Variants in PLG observed in about 807,000 individuals in gnomAD.
PLG encodes plasminogen, also known as plasmin.
In PLG, 41 loss-of-function variants were observed where a neutral mutation model predicts 104.4. That is an observed-to-expected ratio of 0.39 (90% CI 0.31 to 0.51). The LOEUF is 0.51. Among genes scored for constraint, PLG ranks in the 20% least tolerant of loss-of-function variants. PLG has a pLI of 0.76. For synonymous variants in PLG, 337 were observed against 357.1 expected, an observed-to-expected ratio of 0.94 and a Z score of 0.63; for missense variants, 891 against 1,003.6, an observed-to-expected ratio of 0.89 and a Z score of 1.52.
intron 17 of PLG, among the ~76,000 whole-genome samples, chr6:160,750,848 C>T (rs942006021): frequency 9.2e-5 from 14 of 152,126 alleles, no homozygotes; most frequent in East Asian, 3.9e-4. Context: ...TTATTTGTGA[C>T]GACACTGAGA....
In PLG at chr6:160,735,962, AC is replaced by A. The variant is rs1778078542; in HGVS notation, c.1682-922del. Among the ~76,000 whole-genome samples the A allele has an allele frequency of 6.6e-6, 1 of 152,206 alleles. No individual in the cohort carries two copies. Among genetic ancestry groups the A allele is most frequent in the Non-Finnish European group, 1.5e-5 (1 of 68,040 alleles). ...TGGCAAATGTAAAGTTATTTGGAAA[AC>A]CCAGGTTCCAGATTCACTAGAGCAT... On this transcript the variant is annotated intron_variant, in intron 13 of 18. Coordinates refer to ENST00000308192, the MANE Select transcript of PLG (RefSeq NM_000301.5). The surrounding 1 kb of genome is among the most constrained non-coding windows in gnomAD (Gnocchi z 5.4).
At position 160,715,853 on chromosome 6, in the gene PLG, T is replaced by C. The variant is rs960773487; in HGVS notation, c.669-792T>C. Among the ~76,000 whole-genome samples the C allele has an allele frequency of 2.6e-5, 4 of 152,222 alleles. No homozygotes were observed. The East Asian group carries it at 7.7e-4, about 29-fold the overall frequency. On this transcript the variant is annotated intron_variant, in intron 6 of 18. Transcript: ENST00000308192. The stretch of plus-strand genomic sequence containing the variant: ...CCAGGAAACCAGAAGGAGAAGAGGA[T>C]TGCTTAAGCCGCTGCTGGCTCCTCT...
intron 9 of PLG, among the ~76,000 whole-genome samples, chr6:160,721,996 T>C (rs566683355): frequency 3.9e-4 from 60 of 152,284 alleles, no homozygotes; most frequent in African/African-American, 1.3e-3. Flanking sequence ...GGTCTTTGGC[T>C]TTGTTTGAGG....
chr6:160,712,799 C>T (rs1405727696), intron 4 of PLG, among the ~76,000 whole-genome samples, 187 bp from the exon 5 acceptor site: 2 of 152,180 alleles, frequency 1.3e-5, no homozygotes, highest in East Asian at 3.9e-4. Flanking sequence ...GTAATATTAG[C>T]TACTGTGCCA....
chr6:160,740,476 C>T lies in PLG; in HGVS notation c.2019-835C>T, dbSNP rs549055863. ...AGAGTTCCCACCCCACATCCCCACA[C>T]CCCGAGTCTAGGGCATTTAGTGCTC... is the stretch of plus-strand genomic sequence containing the variant. On this transcript the variant is annotated intron_variant, in intron 16 of 18. Transcript: ENST00000308192. The surrounding 1 kb of genome is among the most constrained non-coding windows in gnomAD (Gnocchi z 5.2). Among the ~76,000 whole-genome samples, 1 of 152,140 alleles carries T rather than the reference C, an allele frequency of 6.6e-6. No homozygotes were observed. The highest frequency in any genetic ancestry group is 1.5e-5 in the Non-Finnish European group (1 of 68,020).
chr6:160,722,308 A>G, intron 9 of PLG, 100 bp from the exon 10 acceptor site: 1 of 792,746 alleles, frequency 1.3e-6, no homozygotes, highest in Non-Finnish European at 2.2e-6. Context: ...GAGAACAGTC[A>G]TAATTCTCAG....
Position 160,752,357 on chromosome 6 carries a change from T to G in PLG, c.2271+97T>G, listed in dbSNP as rs1296691985. On this transcript the variant is annotated intron_variant, in intron 18 of 18. Transcript: ENST00000308192. This position sits in a 1 kb window ranked among gnomAD's most constrained non-coding sequence, Gnocchi z 4.7. ...TCCCCAGGTGGCAAATTCAAGGATT[T>G]TCAACCGAAGACCCCAGTCTAAGTG... The G allele has an allele frequency of 8.8e-7, 1 of 1,136,308 alleles. No homozygotes were observed. Among genetic ancestry groups the G allele is most frequent in the African/African-American group, 1.5e-5 (1 of 65,752 alleles). 70.4% of individuals were successfully genotyped at this position (1,136,308 alleles called of 1,614,324 possible).
chr6:160,713,292 C>A, intron 5 of PLG, 167 bp downstream of exon 5: 1 of 632,070 alleles, frequency 1.6e-6, no homozygotes, highest in Admixed American at 2.3e-5. Flanking sequence ...TTTTCTGAGA[C>A]AGAGTTTTGC....
chr6:160,738,386 A>G lies in PLG; in HGVS notation c.1803-152A>G. On this transcript the variant is annotated intron_variant, in intron 14 of 18. Transcript: ENST00000308192. The surrounding 1 kb of genome is among the most constrained non-coding windows in gnomAD (Gnocchi z 6.8). ...TCCCACTCCTGGAGCACTGGCCAAAATTACTACCATCCTGATGCTGGGCTT... is the reference window on the plus strand; with the variant it reads ...TCCCACTCCTGGAGCACTGGCCAAAGTTACTACCATCCTGATGCTGGGCTT... 1.5e-6 allele frequency: 1 copy of G among 682,630 alleles called. No homozygotes were observed. Among genetic ancestry groups the G allele is most frequent in the Non-Finnish European group, 2.7e-6 (1 of 371,116 alleles). The allele number at this position is 682,630 out of a possible 1,614,324, so 42.3% of individuals were successfully genotyped here.
rs1460723590 is a variant in PLG at position 160,738,871 on chromosome 6, C to T, written c.1878-197C>T. 6.6e-6 allele frequency among the ~76,000 whole-genome samples: 1 copy of T among 152,106 alleles called. No homozygotes were observed. Among genetic ancestry groups the T allele is most frequent in the Non-Finnish European group, 1.5e-5 (1 of 68,022 alleles). On this transcript the variant is annotated intron_variant, in intron 15 of 18. Coordinates refer to ENST00000308192, the MANE Select transcript of PLG (RefSeq NM_000301.5). The surrounding 1 kb of genome is among the most constrained non-coding windows in gnomAD (Gnocchi z 6.8). Reference sequence around the variant, plus strand: ...AGCTGTTCACTACCATAGGCTGTATCAGTCTCTGCCCAAACAGCCCAAGAA... The same window carrying T: ...AGCTGTTCACTACCATAGGCTGTATTAGTCTCTGCCCAAACAGCCCAAGAA...
intron 17 of PLG, among the ~76,000 whole-genome samples, chr6:160,749,866 T>G (rs1778371812): frequency 1.4e-5 from 2 of 146,362 alleles, no homozygotes; most frequent in Non-Finnish European, 1.5e-5. Flanking sequence ...ACTACCACCC[T>G]TATCACAACC....
At chr6:160,709,948 G>C (rs1350892436) in intron 3 of PLG, among the ~76,000 whole-genome samples, 1 of 152,188 alleles carries the variant, frequency 6.6e-6, no homozygotes, top group Non-Finnish European at 1.5e-5. Context: ...AAGTGTACTT[G>C]ACACCTTTTG....
chr6:160,749,330 CCACCAT>C (rs1778355522), intron 17 of PLG, among the ~76,000 whole-genome samples: 1 of 151,852 alleles, frequency 6.6e-6, no homozygotes, highest in African/African-American at 2.4e-5. Context: ...ATCACCACCA[CCACCAT>C]CACAATTATC....
intron 10 of PLG, among the ~76,000 whole-genome samples, chr6:160,729,118 C>T (rs530265145): frequency 1.3e-5 from 2 of 151,662 alleles, no homozygotes; most frequent in South Asian, 2.1e-4. Context: ...TCTCAGGGAA[C>T]GATGGACAGA....
chr6:160,731,121 A>T lies in PLG; in HGVS notation c.1327A>T (p.Ser443Cys). The T allele has an allele frequency of 1.2e-6, 2 of 1,614,050 alleles. No homozygotes were observed. Among genetic ancestry groups the T allele is most frequent in the Non-Finnish European group, 1.7e-6 (2 of 1,179,930 alleles). ...CCCCTGGTGTTTTACCACAGACCCCAGCGTCAGGTGGGAGTACTGCAACCT... is the reference window on the plus strand; with the variant it reads ...CCCCTGGTGTTTTACCACAGACCCCTGCGTCAGGTGGGAGTACTGCAACCT... ...KGPWCFTTDPSVRWEYCNLKK... is the reference protein window; with the variant it reads ...KGPWCFTTDPCVRWEYCNLKK... Residue 443 changes from serine (S) to cysteine (C), a missense_variant, in exon 11 of 19, where the codon AGC becomes TGC. By Grantham distance (112) the Ser-to-Cys change is moderately radical (BLOSUM62 -1). Coordinates refer to ENST00000308192, the MANE Select transcript of PLG (RefSeq NM_000301.5). The surrounding 1 kb of genome is among the most constrained non-coding windows in gnomAD (Gnocchi z 5.1).
At chr6:160,717,569 C>CCT (rs1456840706) in intron 7 of PLG, among the ~76,000 whole-genome samples, 1 of 152,080 alleles carries the variant, frequency 6.6e-6, no homozygotes. Context: ...TTTCCATGGA[C>CCT]TCTTTCCCTG....
At chr6:160,703,043 G>A (rs945016549) in intron 1 of PLG, among the ~76,000 whole-genome samples, 17 of 151,936 alleles carry the variant, frequency 1.1e-4, no homozygotes, top group South Asian at 6.2e-4. Flanking sequence ...TATTTAGCTC[G>A]TGGTATAGGT....
rs1740420 is a variant in PLG, at chr6:160,707,913, T to C, written c.292+107T>C. On this transcript the variant is annotated intron_variant, in intron 3 of 18. Coordinates refer to ENST00000308192, the MANE Select transcript of PLG (RefSeq NM_000301.5). The stretch of plus-strand genomic sequence containing the variant: ...ATAAGACCAGAGGAGGAAGGCACTA[T>C]CGTGTTATAAAACTGAATTCTGAGT... 36,522 of 1,004,810 alleles carry C rather than the reference T, an allele frequency of 0.036. 1,048 individuals are homozygous for C. Among genetic ancestry groups the C allele is most frequent in the South Asian group, 0.091 (7,064 of 77,632 alleles). 62.2% of individuals were successfully genotyped at this position (1,004,810 alleles called of 1,614,324 possible).
chr6:160,706,232 C>T (rs1414014849), intron 1 of PLG, 175 bp from the exon 2 acceptor site: 21 of 789,924 alleles, frequency 2.7e-5, no homozygotes, highest in African/African-American at 2.1e-4. Context: ...TGTCCAAATG[C>T]CCGACTGTGT....
Sources: gnomAD v4.1 joint callset for allele counts (sites outside exome capture counted in the v4.1 genomes callset) on GRCh38, gnomAD v4.1.1 for gene constraint, Gnocchi (gnomAD v3.1) non-coding constraint, MANE v1.5 for transcripts, NCBI Gene and HGNC (gene_info 2026-07-23, HGNC 2026-07-21) for gene names.